The following SAMD5 variants were observed in gnomAD, a reference collection of about 807,000 sequenced individuals.
The protein encoded by SAMD5 is sterile alpha motif domain containing 5.
A neutral mutation model predicts 11.3 loss-of-function variants in SAMD5; 13 were observed. The observed-to-expected ratio is 1.15, with a 90% confidence interval of 0.75 to 1.83. SAMD5 has a LOEUF of 1.83. Among genes scored for constraint, SAMD5 ranks in the 40% most tolerant of loss-of-function variants. SAMD5 has a pLI of 0.00. For missense variants in SAMD5, 255 were observed against 239.1 expected, an observed-to-expected ratio of 1.07 and a Z score of -0.44; for synonymous variants, 129 against 111.3, an observed-to-expected ratio of 1.16 and a Z score of -1.00.
At chr6:147,609,962 A>C (rs888587083) in intron 1 of SAMD5, among the ~76,000 whole-genome samples, 2 of 152,206 alleles carry the variant, frequency 1.3e-5, no homozygotes, top group Non-Finnish European at 1.5e-5. Context: ...TTAACAGTCT[A>C]GTTCAAAAGA....
the SAMD5 span, among the ~76,000 whole-genome samples, chr6:147,777,804 T>C: frequency 1.3e-5 from 2 of 152,226 alleles, no homozygotes; most frequent in African/African-American, 4.8e-5. Flanking sequence ...CTTAGTATAA[T>C]GTATTCAAGA....
intron 1 of SAMD5, among the ~76,000 whole-genome samples, chr6:147,615,979 A>G (rs1280440722): frequency 6.6e-6 from 1 of 152,006 alleles, no homozygotes; most frequent in East Asian, 1.9e-4. Flanking sequence ...AGTGGGTCAC[A>G]TGTGTGGTTA....
chr6:147,862,166 A>T, the SAMD5 span, among the ~76,000 whole-genome samples: 12 of 151,824 alleles, frequency 7.9e-5, no homozygotes, highest in East Asian at 3.9e-4. Context: ...TTTTTTTTTT[A>T]AATAGATAAT....
At chr6:147,803,369 C>T in the SAMD5 span, among the ~76,000 whole-genome samples, 2 of 152,126 alleles carry the variant, frequency 1.3e-5, no homozygotes, top group South Asian at 2.1e-4. Context: ...GTTCGGCCAT[C>T]GTCGTCTCTC....
chr6:147,672,825 C>T (rs1790812781), intron 1 of SAMD5, among the ~76,000 whole-genome samples: 1 of 152,064 alleles, frequency 6.6e-6, no homozygotes, highest in Non-Finnish European at 1.5e-5. Flanking sequence ...TCTTTTGCTC[C>T]TTAAGTTCCT....
At chr6:147,898,982 C>T in the SAMD5 span, among the ~76,000 whole-genome samples, 3 of 151,490 alleles carry the variant, frequency 2.0e-5, no homozygotes, top group Non-Finnish European at 1.5e-5. Context: ...ACATCGAGAC[C>T]ATCCTGGCTA....
chr6:147,862,877 A>G, the SAMD5 span, among the ~76,000 whole-genome samples: 2 of 152,100 alleles, frequency 1.3e-5, no homozygotes, highest in African/African-American at 4.8e-5. Context: ...TTTTGTGGTC[A>G]GATTTTAGTC....
chr6:147,663,327 A>G (rs1185240626), intron 1 of SAMD5, among the ~76,000 whole-genome samples: 1 of 152,178 alleles, frequency 6.6e-6, no homozygotes, highest in Non-Finnish European at 1.5e-5. Context: ...GGAGGGGGAA[A>G]GGTGGGAGGA....
At chr6:147,860,801 C>A in the SAMD5 span, among the ~76,000 whole-genome samples, 1 of 152,126 alleles carries the variant, frequency 6.6e-6, no homozygotes, top group Non-Finnish European at 1.5e-5. Flanking sequence ...TTGTCAAAAC[C>A]TTACTTATGA....
chr6:147,627,588 G>A (rs904693281), intron 1 of SAMD5, among the ~76,000 whole-genome samples: 4 of 152,232 alleles, frequency 2.6e-5, no homozygotes, highest in Middle Eastern at 3.4e-3. Context: ...CACACTGCCC[G>A]GTGTGAATAT....
chr6:147,632,564 C>T (rs750112936), intron 1 of SAMD5, among the ~76,000 whole-genome samples: 5 of 152,132 alleles, frequency 3.3e-5, no homozygotes, highest in Non-Finnish European at 7.3e-5. Flanking sequence ...AGTATTAAGG[C>T]AGTGGGAGCC....
the SAMD5 span, among the ~76,000 whole-genome samples, chr6:147,913,083 A>T: frequency 6.6e-6 from 1 of 152,200 alleles, no homozygotes; most frequent in Non-Finnish European, 1.5e-5. Context: ...CTAAGGAAGT[A>T]CATATTGGAA....
the SAMD5 span, among the ~76,000 whole-genome samples, chr6:147,886,890 T>A: frequency 1.3e-5 from 2 of 152,172 alleles, no homozygotes; most frequent in African/African-American, 4.8e-5. Flanking sequence ...TATGAGGAGA[T>A]GAGTTCTGCC....
intron 1 of SAMD5, among the ~76,000 whole-genome samples, chr6:147,645,197 A>AAGAAAT (rs1790379869): frequency 2.0e-5 from 3 of 152,272 alleles, no homozygotes; most frequent in Non-Finnish European, 4.4e-5. Flanking sequence ...AAATGCCACT[A>AAGAAAT]GCAGTTGATG....
the SAMD5 span, among the ~76,000 whole-genome samples, chr6:147,820,574 C>T: frequency 3.9e-5 from 6 of 152,172 alleles, no homozygotes; most frequent in Non-Finnish European, 7.4e-5. Flanking sequence ...AAATCCATCC[C>T]TACTCTATTA....
intron 1 of SAMD5, among the ~76,000 whole-genome samples, chr6:147,520,446 C>G (rs542603416): frequency 1.3e-5 from 2 of 152,250 alleles, no homozygotes; most frequent in East Asian, 3.9e-4. Flanking sequence ...CCCTTACTGA[C>G]AGTGAGTAAA....
intron 1 of SAMD5, among the ~76,000 whole-genome samples, chr6:147,560,859 C>G (rs930593991): frequency 6.6e-6 from 1 of 152,146 alleles, no homozygotes; most frequent in African/African-American, 2.4e-5. Context: ...TGAAAGGCCC[C>G]TCAAACCCCA....
intron 1 of SAMD5, among the ~76,000 whole-genome samples, chr6:147,530,838 T>G (rs12203200): frequency 0.14 from 21,765 of 152,224 alleles, 1,690 homozygotes; most frequent in East Asian, 0.28. Context: ...TAATCAGCCT[T>G]CTTTGCTGTT....
chr6:147,685,790 A>G (rs2128456623), intron 1 of SAMD5, among the ~76,000 whole-genome samples: 1 of 152,310 alleles, frequency 6.6e-6, no homozygotes, highest in South Asian at 2.1e-4. Flanking sequence ...CTGGGATACA[A>G]GAAGGCAACA....
Sources: gnomAD v4.1 joint callset for allele counts (sites outside exome capture counted in the v4.1 genomes callset) on GRCh38, gnomAD v4.1.1 for gene constraint, MANE v1.5 for transcripts, NCBI Gene and HGNC (gene_info 2026-07-23, HGNC 2026-07-21) for gene names.